FOXK1: variants seen among roughly 807,000 people sequenced by gnomAD.
FOXK1 encodes the protein forkhead box protein K1.
In FOXK1, 19 loss-of-function variants were observed where a neutral mutation model predicts 51.9. That is an observed-to-expected ratio of 0.37 (90% CI 0.26 to 0.54). The LOEUF is 0.54. Among genes scored for constraint, FOXK1 ranks in the 20% least tolerant of loss-of-function variants. The pLI is 0.87. For missense variants in FOXK1, 870 were observed against 1,032.7 expected (o/e 0.84, Z 2.16); for synonymous variants, 537 against 482.6 (o/e 1.11, Z -1.48).
intron 1 of FOXK1, among the ~76,000 whole-genome samples, chr7:4,687,743 T>C (rs957495230): frequency 1.3e-5 from 2 of 152,230 alleles, no homozygotes; most frequent in Non-Finnish European, 2.9e-5. Context: ...CCAGTATTTT[T>C]ATAGTAAATG....
rs761097046 is a variant in FOXK1, at chr7:4,715,491, A to G, written c.561-25347A>G. Among the ~76,000 whole-genome samples, 3 of 152,206 alleles carry G rather than the reference A, an allele frequency of 2.0e-5. No homozygotes were observed. The highest frequency in any genetic ancestry group is 2.9e-5 in the Non-Finnish European group (2 of 68,032). On this transcript the variant is annotated intron_variant, in intron 1 of 8. Transcript: ENST00000328914. The surrounding 1 kb of genome is among the most constrained non-coding windows in gnomAD (Gnocchi z 4.5). ...AACTCGGGCCCCGCTGGCCGGCGGTAGGAGCTGGAATGCCCGAGCTCTGAG... is the reference window on the plus strand; with the variant it reads ...AACTCGGGCCCCGCTGGCCGGCGGTGGGAGCTGGAATGCCCGAGCTCTGAG...
In FOXK1 at chr7:4,764,351, G is replaced by A. The variant is rs1011446707; in HGVS notation, c.*1887G>A. On this transcript the variant is annotated 3_prime_UTR_variant, in exon 9 of 9. Coordinates refer to ENST00000328914, the MANE Select transcript of FOXK1 (RefSeq NM_001037165.2). ...TTTCTATGGCACTAACCTTTCCATGGGAAATAAGCTCTTTGTGGAAGTCCG... is the reference window on the plus strand; with the variant it reads ...TTTCTATGGCACTAACCTTTCCATGAGAAATAAGCTCTTTGTGGAAGTCCG... 6.5e-6 allele frequency: 1 copy of A among 154,410 alleles called. No homozygotes were observed. The highest frequency in any genetic ancestry group is 2.4e-5 in the African/African-American group (1 of 41,526). 9.6% of individuals were successfully genotyped at this position (154,410 alleles called of 1,614,324 possible).
chr7:4,709,804 A>G lies in FOXK1; in HGVS notation c.560+26936A>G, dbSNP rs1007664019. Among the ~76,000 whole-genome samples the G allele has an allele frequency of 1.3e-5, 2 of 152,204 alleles. No individual in the cohort carries two copies. Among genetic ancestry groups the G allele is most frequent in the Non-Finnish European group, 2.9e-5 (2 of 68,046 alleles). On this transcript the variant is annotated intron_variant, in intron 1 of 8. Transcript: ENST00000328914. This position sits in a 1 kb window ranked among gnomAD's most constrained non-coding sequence, Gnocchi z 5.6. ...TGTGCTGTCCGTCTTCTCGCTGTTC[A>G]GCCAGCAGTTCACTGTCTGTAAAAT...
intron 1 of FOXK1, among the ~76,000 whole-genome samples, chr7:4,721,558 A>AG (rs1475298908): frequency 1.3e-5 from 2 of 151,480 alleles, no homozygotes; most frequent in Non-Finnish European, 1.5e-5. Context: ...CAGCCTAAGA[A>AG]GGACTTTTCT....
In FOXK1 at chr7:4,756,217, C is replaced by T. The variant is rs7791825; in HGVS notation, c.1051-777C>T. On this transcript the variant is annotated intron_variant, in intron 4 of 8. Coordinates refer to ENST00000328914, the MANE Select transcript of FOXK1 (RefSeq NM_001037165.2). The surrounding 1 kb of genome is among the most constrained non-coding windows in gnomAD (Gnocchi z 4.1). ...GCAACCTTCGCCTCCCAGGTTCAAGCGATTCTTCTGCTTCAGCCTCCCAAG... is the reference window on the plus strand; with the variant it reads ...GCAACCTTCGCCTCCCAGGTTCAAGTGATTCTTCTGCTTCAGCCTCCCAAG... 0.013 allele frequency among the ~76,000 whole-genome samples: 1,994 copies of T among 152,212 alleles called. 45 individuals carry two copies. Among genetic ancestry groups the T allele is most frequent in the African/African-American group, 0.046 (1,904 of 41,536 alleles).
Position 4,758,769 on chromosome 7 carries a change from G to A in FOXK1, c.1245-282G>A, listed in dbSNP as rs571078484. 141 of 398,186 alleles carry A rather than the reference G, an allele frequency of 3.5e-4. No individual in the cohort carries two copies. Among genetic ancestry groups the A allele is most frequent in the African/African-American group, 2.8e-3 (133 of 47,866 alleles). 24.7% of individuals were successfully genotyped at this position (398,186 alleles called of 1,614,324 possible). The stretch of plus-strand genomic sequence containing the variant: ...TTTCATGGACACCTGGCTGGACCTC[G>A]GTGGAAGTGAACTCCGTAGGTTGTT... On this transcript the variant is annotated intron_variant, in intron 5 of 8. Coordinates refer to ENST00000328914, the MANE Select transcript of FOXK1 (RefSeq NM_001037165.2). The surrounding 1 kb of genome is among the most constrained non-coding windows in gnomAD (Gnocchi z 4.4).
At chr7:4,717,756 C>T (rs1254625332) in intron 1 of FOXK1, among the ~76,000 whole-genome samples, 1 of 152,282 alleles carries the variant, frequency 6.6e-6, no homozygotes, top group South Asian at 2.1e-4. Context: ...TGAACCCTGC[C>T]TCTAAATGCT....
chr7:4,702,696 C>A (rs1780035670), intron 1 of FOXK1, among the ~76,000 whole-genome samples: 1 of 152,170 alleles, frequency 6.6e-6, no homozygotes. Flanking sequence ...TTAGTGGTGT[C>A]GTGACATCTT....
intron 1 of FOXK1, among the ~76,000 whole-genome samples, chr7:4,712,711 TC>T (rs1780190192): frequency 6.6e-6 from 1 of 152,198 alleles, no homozygotes; most frequent in African/African-American, 2.4e-5. Context: ...CTTACCTCGC[TC>T]ATCTGTTGCC....
rs978956817 is a variant in FOXK1, at chr7:4,730,061, A to G, written c.561-10777A>G. On this transcript the variant is annotated intron_variant, in intron 1 of 8. Transcript: ENST00000328914. The surrounding 1 kb of genome is among the most constrained non-coding windows in gnomAD (Gnocchi z 4.7). The stretch of plus-strand genomic sequence containing the variant: ...GGTCAGACCGTTGTCTGCGTTTTTC[A>G]CCGCGTGTCACCGACTCAGCATATG... Among the ~76,000 whole-genome samples the G allele has an allele frequency of 2.6e-5, 4 of 152,212 alleles. No individual in the cohort carries two copies. The highest frequency in any genetic ancestry group is 2.6e-4 in the Admixed American group (4 of 15,276).
chr7:4,735,921 A>C lies in FOXK1; in HGVS notation c.561-4917A>C, dbSNP rs1365887239. On this transcript the variant is annotated intron_variant, in intron 1 of 8. Coordinates refer to ENST00000328914, the MANE Select transcript of FOXK1 (RefSeq NM_001037165.2). This position sits in a 1 kb window ranked among gnomAD's most constrained non-coding sequence, Gnocchi z 4.7. ...GTAATCCCAGCACTTTGAGAGGCTG[A>C]TGCGGGTGGATCACTTGAGGTCAGG... Among the ~76,000 whole-genome samples, 1 of 152,160 alleles carries C rather than the reference A, an allele frequency of 6.6e-6. No homozygotes were observed. Among genetic ancestry groups the C allele is most frequent in the Non-Finnish European group, 1.5e-5 (1 of 68,026 alleles).
rs1780430207 is a variant in FOXK1, at chr7:4,730,050, C to T, written c.561-10788C>T. 6.6e-6 allele frequency among the ~76,000 whole-genome samples: 1 copy of T among 152,214 alleles called. No homozygotes were observed. On this transcript the variant is annotated intron_variant, in intron 1 of 8. Coordinates refer to ENST00000328914, the MANE Select transcript of FOXK1 (RefSeq NM_001037165.2). The surrounding 1 kb of genome is among the most constrained non-coding windows in gnomAD (Gnocchi z 4.7). Reference sequence around the variant, plus strand: ...AGCCCGGCTTCGGTCAGACCGTTGTCTGCGTTTTTCACCGCGTGTCACCGA... The same window carrying T: ...AGCCCGGCTTCGGTCAGACCGTTGTTTGCGTTTTTCACCGCGTGTCACCGA...
At chr7:4,701,917 A>T (rs1354709877) in intron 1 of FOXK1, among the ~76,000 whole-genome samples, 1 of 152,084 alleles carries the variant, frequency 6.6e-6, no homozygotes, top group Non-Finnish European at 1.5e-5. Flanking sequence ...ATAAATAAAA[A>T]GTAAAAAATT....
intron 1 of FOXK1, among the ~76,000 whole-genome samples, chr7:4,736,579 A>T (rs1219880788): frequency 1.3e-5 from 2 of 151,916 alleles, no homozygotes; most frequent in East Asian, 3.9e-4. Context: ...TGCCTGGTTC[A>T]TTTTTTGTAT....
intron 1 of FOXK1, among the ~76,000 whole-genome samples, chr7:4,719,783 G>T (rs540064076): frequency 6.6e-6 from 1 of 152,270 alleles, no homozygotes; most frequent in Non-Finnish European, 1.5e-5. Flanking sequence ...CGCCCGGCCT[G>T]CATTGAACAT....
rs1222507435 is a variant in FOXK1, at chr7:4,762,035, G to A, written c.1922-149G>A. On this transcript the variant is annotated intron_variant, in intron 8 of 8. Transcript: ENST00000328914. The surrounding 1 kb of genome is among the most constrained non-coding windows in gnomAD (Gnocchi z 5.7). ...GGGGAGGGGACGGCAGGGCCCGCAG[G>A]GAGCAGAGCAAGGGTAGCCGTCCTG... 1 of 897,572 alleles carries A rather than the reference G, an allele frequency of 1.1e-6. No homozygotes were observed. The highest frequency in any genetic ancestry group is 1.7e-6 in the Non-Finnish European group (1 of 603,550). 55.6% of individuals were successfully genotyped at this position (897,572 alleles called of 1,614,324 possible). A position where few individuals can be genotyped will look rare whatever the true frequency, so the allele number is the denominator to read the frequency against.
Position 4,770,018 on chromosome 7 carries a change from C to G in FOXK1, c.*7554C>G, listed in dbSNP as rs913927033. 6.6e-6 allele frequency: 1 copy of G among 152,122 alleles called. No homozygotes were observed. The highest frequency in any genetic ancestry group is 1.5e-5 in the Non-Finnish European group (1 of 68,038). The allele number at this position is 152,122 out of a possible 1,614,324, so 9.4% of individuals were successfully genotyped here. On this transcript the variant is annotated 3_prime_UTR_variant, in exon 9 of 9. Coordinates refer to ENST00000328914, the MANE Select transcript of FOXK1 (RefSeq NM_001037165.2). Reference sequence around the variant, plus strand: ...CCTTCGGTGACAGGGCCTGCCCCTCCGAGTCTAGAGGTAAAAGCAGCTTCT... The same window carrying G: ...CCTTCGGTGACAGGGCCTGCCCCTCGGAGTCTAGAGGTAAAAGCAGCTTCT...
rs566487460 is a variant in FOXK1 at position 4,759,453 on chromosome 7, G to C, written c.1554G>C (p.Gln518His). ...GCCACGCCATCCACGTCGTGCAGCA[G>C]GCCCCCACCGTCACCATGGTCAGGG... ...PAGHAIHVVQ[Q>H]APTVTMVRVV... is the part of the protein sequence containing the mutation. Residue 518 changes from glutamine (Q) to histidine (H), a missense_variant, in exon 7 of 9, where the codon CAG (glutamine) becomes CAC (histidine). Transcript: ENST00000328914. 6 of 1,592,074 alleles carry C rather than the reference G, an allele frequency of 3.8e-6. No homozygotes were observed. The South Asian group carries it at 6.8e-5, about 18-fold the overall frequency.
At position 4,768,105 on chromosome 7, in the gene FOXK1, C is replaced by T. The variant is rs1781040970; in HGVS notation, c.*5641C>T. ...TCTGGACTGAAATTTTAAAAACAGACCCATTTCACTGACTTCTTTTTTTTT... is the reference window on the plus strand; with the variant it reads ...TCTGGACTGAAATTTTAAAAACAGATCCATTTCACTGACTTCTTTTTTTTT... On this transcript the variant is annotated 3_prime_UTR_variant, in exon 9 of 9. Coordinates refer to ENST00000328914, the MANE Select transcript of FOXK1 (RefSeq NM_001037165.2). The T allele has an allele frequency of 6.7e-6, 1 of 149,608 alleles. No homozygotes were observed. Among genetic ancestry groups the T allele is most frequent in the South Asian group, 2.2e-4 (1 of 4,536 alleles). The allele number at this position is 149,608 out of a possible 1,614,324, so 9.3% of individuals were successfully genotyped here.
Sources: gnomAD v4.1 joint callset for allele counts (sites outside exome capture counted in the v4.1 genomes callset) on GRCh38, gnomAD v4.1.1 for gene constraint, Gnocchi (gnomAD v3.1) non-coding constraint, MANE v1.5 for transcripts, NCBI Gene and HGNC (gene_info 2026-07-23, HGNC 2026-07-21) for gene names.